The following PKIA variants were observed in gnomAD, a reference collection of about 807,000 sequenced individuals.
The protein encoded by PKIA is PKI-alpha.
In PKIA, 4 loss-of-function variants were observed where a neutral mutation model predicts 7.6. The observed-to-expected ratio is 0.52, with a 90% confidence interval of 0.26 to 1.20. The LOEUF is 1.20. Among genes scored for constraint, PKIA ranks in the 50% most tolerant of loss-of-function variants. PKIA has a pLI of 0.13. For synonymous variants in PKIA, 21 were observed against 30.7 expected (o/e 0.68, Z 1.04); for missense variants, 73 against 86.2 (o/e 0.85, Z 0.61).
At chr8:78,550,917 G>A (rs1806968336) in intron 1 of PKIA, among the ~76,000 whole-genome samples, 1 of 151,984 alleles carries the variant, frequency 6.6e-6, no homozygotes, top group Non-Finnish European at 1.5e-5. Context: ...ACGATGTTTG[G>A]TTTATGTGTT....
chr8:78,597,590 C>A (rs1337111315), intron 2 of PKIA, among the ~76,000 whole-genome samples: 5 of 152,122 alleles, frequency 3.3e-5, no homozygotes, highest in South Asian at 4.1e-4. Context: ...TAGCACCCCC[C>A]ACCTGATCTC....
intron 1 of PKIA, among the ~76,000 whole-genome samples, chr8:78,532,942 C>T (rs1411032999): frequency 1.3e-4 from 19 of 151,900 alleles, no homozygotes; most frequent in Non-Finnish European, 4.4e-5. Flanking sequence ...AAAAAAAATA[C>T]AAAGCAATGG....
chr8:78,597,372 C>T (rs1808250017), intron 2 of PKIA, among the ~76,000 whole-genome samples: 1 of 152,060 alleles, frequency 6.6e-6, no homozygotes, highest in African/African-American at 2.4e-5. Context: ...TTTGTTACTC[C>T]TCTCAAGTAA....
chr8:78,565,640 T>C (rs1266637606), intron 1 of PKIA, among the ~76,000 whole-genome samples: 2 of 151,964 alleles, frequency 1.3e-5, no homozygotes. Flanking sequence ...TTATTGAAGT[T>C]TCTCTCTCCC....
At chr8:78,586,732 G>C (rs1281589323) in intron 2 of PKIA, among the ~76,000 whole-genome samples, 1 of 152,068 alleles carries the variant, frequency 6.6e-6, no homozygotes, top group Non-Finnish European at 1.5e-5. Context: ...AAATATTGAT[G>C]GCAAACCATT....
At chr8:78,525,390 T>G (rs1379716746) in intron 1 of PKIA, among the ~76,000 whole-genome samples, 1 of 151,938 alleles carries the variant, frequency 6.6e-6, no homozygotes, top group African/African-American at 2.4e-5. Flanking sequence ...AGGTGTGAGA[T>G]AGTGGGCCTG....
At chr8:78,584,755 T>A (rs1807908879) in intron 2 of PKIA, among the ~76,000 whole-genome samples, 1 of 152,124 alleles carries the variant, frequency 6.6e-6, no homozygotes, top group Non-Finnish European at 1.5e-5. Context: ...CAGAAAACAC[T>A]TTTCTAAAAT....
chr8:78,556,184 C>T (rs1408036679), intron 1 of PKIA, among the ~76,000 whole-genome samples: 1 of 152,040 alleles, frequency 6.6e-6, no homozygotes, highest in Non-Finnish European at 1.5e-5. Context: ...TTAACAGAAT[C>T]AGGCAGCCAA....
At chr8:78,571,600 A>G (rs6473106) in intron 1 of PKIA, among the ~76,000 whole-genome samples, 36,698 of 152,006 alleles carry the variant, frequency 0.24, 5,163 homozygotes, top group African/African-American at 0.39. Flanking sequence ...GGACTCCTCT[A>G]AGGGACTTGT....
At chr8:78,562,805 G>A (rs71514858) in intron 1 of PKIA, among the ~76,000 whole-genome samples, 19,411 of 150,938 alleles carry the variant, frequency 0.13, 1,481 homozygotes, top group African/African-American at 0.2. Flanking sequence ...TTGCTTAAGA[G>A]CAAGGACTTT....
rs185696087 is a variant in PKIA, at chr8:78,518,936, A to G, written c.-157+2468A>G. ...TTTGAGGAAAGTTTCTAAATTTAGA[A>G]GGCTAAGCAGAAATATATGTATGAT... On this transcript the variant is annotated intron_variant, in intron 1 of 3. Coordinates refer to ENST00000396418, the MANE Select transcript of PKIA (RefSeq NM_006823.4). Among the ~76,000 whole-genome samples the G allele has an allele frequency of 7.9e-4, 121 of 152,352 alleles. 1 individual carries two copies. Among genetic ancestry groups the G allele is most frequent in the African/African-American group, 2.8e-3 (118 of 41,590 alleles).
intron 1 of PKIA, among the ~76,000 whole-genome samples, chr8:78,561,819 T>C (rs1275297947): frequency 6.6e-6 from 1 of 152,228 alleles, no homozygotes; most frequent in Non-Finnish European, 1.5e-5. Context: ...TAAATTCATG[T>C]AACATGGGAT....
chr8:78,540,293 G>A (rs926586082), intron 1 of PKIA, among the ~76,000 whole-genome samples: 2 of 152,000 alleles, frequency 1.3e-5, no homozygotes, highest in Non-Finnish European at 2.9e-5. Context: ...AACTCTATCT[G>A]CTAAGCTTTT....
At chr8:78,574,710 T>G (rs1807633449) in intron 2 of PKIA, among the ~76,000 whole-genome samples, 1 of 152,018 alleles carries the variant, frequency 6.6e-6, no homozygotes, top group Non-Finnish European at 1.5e-5. Context: ...GATATACTTC[T>G]AATAACAATT....
In PKIA at chr8:78,578,179, T is replaced by A. The variant is rs143883921; in HGVS notation, c.-28+5240T>A. 3.9e-3 allele frequency among the ~76,000 whole-genome samples: 592 copies of A among 152,114 alleles called. 5 individuals carry two copies. Among genetic ancestry groups the A allele is most frequent in the African/African-American group, 0.013 (541 of 41,536 alleles). Reference sequence around the variant, plus strand: ...AGTCTTCACCCATAAAAATGAACCATGTGAATTCAAGTAAGTCATTTCATA... The same window carrying A: ...AGTCTTCACCCATAAAAATGAACCAAGTGAATTCAAGTAAGTCATTTCATA... On this transcript the variant is annotated intron_variant, in intron 2 of 3. Coordinates refer to ENST00000396418, the MANE Select transcript of PKIA (RefSeq NM_006823.4).
chr8:78,592,450 T>G (rs992672262), intron 2 of PKIA, among the ~76,000 whole-genome samples: 2 of 152,148 alleles, frequency 1.3e-5, no homozygotes, highest in African/African-American at 4.8e-5. Context: ...CTATGTTACT[T>G]TAAAGGTTCA....
At chr8:78,526,752 A>G (rs1806247304) in intron 1 of PKIA, among the ~76,000 whole-genome samples, 2 of 151,866 alleles carry the variant, frequency 1.3e-5, no homozygotes, top group Admixed American at 1.3e-4. Context: ...TGTGATGAAT[A>G]GCAAAACTGT....
chr8:78,519,520 T>C (rs1006065622), intron 1 of PKIA, among the ~76,000 whole-genome samples: 15 of 152,162 alleles, frequency 9.9e-5, no homozygotes, highest in Non-Finnish European at 1.6e-4. Flanking sequence ...AAGGCTCAAA[T>C]AGAAATGTCA....
intron 2 of PKIA, among the ~76,000 whole-genome samples, chr8:78,581,983 C>A (rs577808510): frequency 2.0e-5 from 3 of 152,086 alleles, no homozygotes; most frequent in African/African-American, 7.2e-5. Context: ...TTTTTACTGT[C>A]ATTTCAACGT....
Sources: allele counts gnomAD v4.1 joint callset (sites outside exome capture counted in the v4.1 genomes callset), GRCh38; gene constraint gnomAD v4.1.1; transcripts MANE v1.5; gene names NCBI Gene and HGNC (gene_info 2026-07-23, HGNC 2026-07-21).